Variants in GNPDA2 observed in about 807,000 individuals in gnomAD.
The protein encoded by GNPDA2 is glucosamine-6-phosphate deaminase 2.
In GNPDA2, 24 loss-of-function variants were observed where a neutral mutation model predicts 27.0. That is an observed-to-expected ratio of 0.89 (90% CI 0.64 to 1.25). GNPDA2 has a LOEUF of 1.25. Among genes scored for constraint, GNPDA2 ranks in the 50% most tolerant of loss-of-function variants. The pLI, the probability that GNPDA2 is intolerant of heterozygous loss-of-function variation, is 0.00. For synonymous variants in GNPDA2, 94 were observed against 108.4 expected (o/e 0.87, Z 0.83); for missense variants, 286 against 335.1 (o/e 0.85, Z 1.14).
Position 44,702,713 on chromosome 4 carries a change from T to G in GNPDA2, c.*368A>C. ...AGTTTGTTATCTGAAAGGTTTGGAG[T>G]GTCTTGTCATTAAAAAATGAAATAT... On this transcript the variant is annotated 3_prime_UTR_variant, in exon 7 of 7. Coordinates refer to ENST00000295448, the MANE Select transcript of GNPDA2 (RefSeq NM_138335.3). The G allele has an allele frequency of 9.5e-7, 1 of 1,053,506 alleles. No homozygotes were observed. Among genetic ancestry groups the G allele is most frequent in the Non-Finnish European group, 1.1e-6 (1 of 874,780 alleles). The allele number at this position is 1,053,506 out of a possible 1,614,324, so 65.3% of individuals were successfully genotyped here.
At chr4:44,711,541 G>C (rs1224252842) in intron 4 of GNPDA2, among the ~76,000 whole-genome samples, 1 of 152,044 alleles carries the variant, frequency 6.6e-6, no homozygotes. Flanking sequence ...AAAAATAAGT[G>C]ACTTGTTCAA....
At chr4:44,723,247 C>CT (rs79957524) in intron 1 of GNPDA2, among the ~76,000 whole-genome samples, 2 of 151,996 alleles carry the variant, frequency 1.3e-5, no homozygotes, top group African/African-American at 2.4e-5. Flanking sequence ...TATTGTTTTC[C>CT]TTTTTTTTAA....
rs927534704 is a variant in GNPDA2 at position 44,702,600 on chromosome 4, T to C, written c.*481A>G. The C allele has an allele frequency of 3.1e-5, 31 of 1,000,554 alleles. No homozygotes were observed. The highest frequency in any genetic ancestry group is 4.4e-5 in the South Asian group (1 of 22,620). 62.0% of individuals were successfully genotyped at this position (1,000,554 alleles called of 1,614,324 possible). ...ATGTCTAGATGGTGCTGTAGGAAGA[T>C]GACTAAGGCAACCACGTGCAGAAAA... On this transcript the variant is annotated 3_prime_UTR_variant, in exon 7 of 7. Coordinates refer to ENST00000295448, the MANE Select transcript of GNPDA2 (RefSeq NM_138335.3).
intron 5 of GNPDA2, among the ~76,000 whole-genome samples, chr4:44,709,518 A>G (rs886525361): frequency 4.6e-5 from 7 of 152,152 alleles, no homozygotes; most frequent in Admixed American, 1.3e-4. Context: ...TCTTATGTAC[A>G]CTAATGTTTG....
At chr4:44,717,926 TTAAC>T (rs1486901246) in intron 3 of GNPDA2, among the ~76,000 whole-genome samples, 3 of 151,932 alleles carry the variant, frequency 2.0e-5, no homozygotes, top group Admixed American at 2.0e-4. Context: ...GAAAAAATAC[TTAAC>T]TAATTACTTT....
At chr4:44,719,244 T>C (rs989354333) in intron 2 of GNPDA2, among the ~76,000 whole-genome samples, 1 of 151,976 alleles carries the variant, frequency 6.6e-6, no homozygotes, top group East Asian at 1.9e-4. Context: ...GCCGTCCCAA[T>C]CCTAGTTGGA....
intron 4 of GNPDA2, 32 bp downstream of exon 4, chr4:44,717,081 C>A (rs1717344373): frequency 6.8e-7 from 1 of 1,481,108 alleles, no homozygotes; most frequent in Non-Finnish European, 9.3e-7. Flanking sequence ...CAAACACTAA[C>A]AAACAGTTAA....
At chr4:44,705,230 C>G (rs574065042) in intron 6 of GNPDA2, 5 of 980,724 alleles carry the variant, frequency 5.1e-6, no homozygotes, top group Non-Finnish European at 6.1e-6. Context: ...TTTTGATATA[C>G]TAGTAACTCA....
chr4:44,704,071 A>G, intron 6 of GNPDA2: 1 of 985,230 alleles, frequency 1.0e-6, no homozygotes, highest in African/African-American at 1.7e-5. Flanking sequence ...AAGGCTGCAA[A>G]AAGGACTCTA....
rs968534469 is a variant in GNPDA2, at chr4:44,707,683, A to G, written c.769+69T>C. ...GTCACAGTGTGAGATTTAACCCCAC[A>G]GTCACAGTAAGTTTTAATTGTCACT... is the stretch of plus-strand genomic sequence containing the variant. On this transcript the variant is annotated intron_variant, in intron 6 of 6. Transcript: ENST00000295448. The G allele has an allele frequency of 3.0e-5, 40 of 1,351,278 alleles. No homozygotes were observed. The East Asian group carries it at 8.8e-4, about 30-fold the overall frequency. 83.7% of individuals were successfully genotyped at this position (1,351,278 alleles called of 1,614,324 possible).
chr4:44,708,031 A>G, intron 5 of GNPDA2, 105 bp from the exon 6 acceptor site: 1 of 668,012 alleles, frequency 1.5e-6, no homozygotes, highest in Non-Finnish European at 2.5e-6. Context: ...TCTGAGAGAA[A>G]GAAAAATACA....
At chr4:44,720,989 C>T (rs754437025) in intron 2 of GNPDA2, among the ~76,000 whole-genome samples, 3 of 151,656 alleles carry the variant, frequency 2.0e-5, no homozygotes, top group South Asian at 2.1e-4. Context: ...ACAGAAACCA[C>T]GTTCAACCCC....
chr4:44,711,341 A>G (rs1476292935), intron 4 of GNPDA2, among the ~76,000 whole-genome samples: 1 of 152,324 alleles, frequency 6.6e-6, no homozygotes, highest in African/African-American at 2.4e-5. Context: ...GCATGATTCT[A>G]ATAGTAAAAT....
chr4:44,703,073 A>T lies in GNPDA2; in HGVS notation c.*8T>A. 1.9e-6 allele frequency: 3 copies of T among 1,611,646 alleles called. No homozygotes were observed. Among genetic ancestry groups the T allele is most frequent in the Non-Finnish European group, 2.5e-6 (3 of 1,178,898 alleles). On this transcript the variant is annotated 3_prime_UTR_variant, in exon 7 of 7. Transcript: ENST00000295448. ...GTTCATTCAAGCTGAATTTTGCTCC[A>T]GTCTCCTTCAGTTTCCATCTTTCAT...
chr4:44,705,375 T>C lies in GNPDA2; in HGVS notation c.770-2233A>G, dbSNP rs1304747554. The C allele has an allele frequency of 4.1e-6, 4 of 984,990 alleles. No homozygotes were observed. The East Asian group carries it at 3.4e-4, about 84-fold the overall frequency. The allele number at this position is 984,990 out of a possible 1,614,324, so 61.0% of individuals were successfully genotyped here. Reference sequence around the variant, plus strand: ...AGAATGTCTAAATTCTGTCTTCATATTGAAGGAGGTATCCTAACAGGCTGA... The same window carrying C: ...AGAATGTCTAAATTCTGTCTTCATACTGAAGGAGGTATCCTAACAGGCTGA... On this transcript the variant is annotated intron_variant, in intron 6 of 6. Coordinates refer to ENST00000295448, the MANE Select transcript of GNPDA2 (RefSeq NM_138335.3).
chr4:44,725,020 T>G (rs2109729504), intron 1 of GNPDA2, among the ~76,000 whole-genome samples: 1 of 152,320 alleles, frequency 6.6e-6, no homozygotes. Flanking sequence ...GCCAGCTGAT[T>G]GTTAATAAAA....
At chr4:44,705,352 A>C in intron 6 of GNPDA2, 4 of 985,160 alleles carry the variant, frequency 4.1e-6, no homozygotes, top group Non-Finnish European at 4.8e-6. Flanking sequence ...TGTAGCCCAG[A>C]ATGTCTAAAT....
chr4:44,723,934 G>C (rs1259360878), intron 1 of GNPDA2, among the ~76,000 whole-genome samples: 1 of 152,112 alleles, frequency 6.6e-6, no homozygotes, highest in Non-Finnish European at 1.5e-5. Flanking sequence ...GCTAATTAAA[G>C]GCTGAGGTGA....
intron 4 of GNPDA2, among the ~76,000 whole-genome samples, chr4:44,711,841 C>T (rs1717004388): frequency 7.1e-6 from 1 of 141,414 alleles, no homozygotes; most frequent in African/African-American, 2.6e-5. Context: ...ACATATACAA[C>T]ACAAACATAT....
Sources: gnomAD v4.1 joint callset for allele counts (sites outside exome capture counted in the v4.1 genomes callset) on GRCh38, gnomAD v4.1.1 for gene constraint, MANE v1.5 for transcripts, NCBI Gene and HGNC (gene_info 2026-07-23, HGNC 2026-07-21) for gene names.